AOPEP: variants seen among roughly 807,000 people sequenced by gnomAD.
AOPEP encodes aminopeptidase O.
AOPEP carries 77 observed loss-of-function variants against 98.1 expected under a neutral mutation model. The ratio of observed to expected loss-of-function variants is 0.78; its 90% CI spans 0.65 to 0.95. The LOEUF is 0.95. Ranked by LOEUF, AOPEP falls within the 40% of genes least tolerant of loss-of-function variation. The probability of loss-of-function intolerance (pLI) is 0.00; values close to 1 mark genes in which losing one functional copy is unlikely to be tolerated. For synonymous variants in AOPEP, 346 were observed against 365.3 expected (o/e 0.95, Z 0.60); for missense variants, 1,024 against 1,024.7 (o/e 1.00, Z 0.01).
At chr9:95,057,142 G>C (rs1319184237) in intron 13 of AOPEP, among the ~76,000 whole-genome samples, 1 of 152,228 alleles carries the variant, frequency 6.6e-6, no homozygotes, top group African/African-American at 2.4e-5. Flanking sequence ...TGAAGGAGCT[G>C]CTTTCTTAGG....
intron 5 of AOPEP, among the ~76,000 whole-genome samples, chr9:94,886,862 A>T (rs1401403180): frequency 6.6e-6 from 1 of 152,202 alleles, no homozygotes; most frequent in Non-Finnish European, 1.5e-5. Flanking sequence ...CTTAATATGA[A>T]TGTGTAATAT....
chr9:95,105,439 CAAATA>C, the AOPEP span, among the ~76,000 whole-genome samples: 6 of 152,176 alleles, frequency 3.9e-5, no homozygotes, highest in East Asian at 3.9e-4. Flanking sequence ...AACAAAAGTA[CAAATA>C]AAATAAAAAA....
intron 1 of AOPEP, among the ~76,000 whole-genome samples, chr9:94,758,085 G>C (rs1837463701): frequency 6.6e-6 from 1 of 152,308 alleles, no homozygotes; most frequent in Admixed American, 6.5e-5. Flanking sequence ...ATAGTTCAGT[G>C]GGGGAGGGAG....
intron 14 of AOPEP, among the ~76,000 whole-genome samples, chr9:95,077,067 G>A (rs2069150836): frequency 6.6e-6 from 1 of 152,158 alleles, no homozygotes; most frequent in Non-Finnish European, 1.5e-5. Context: ...AGAGGGGGAG[G>A]GGACACTATC....
chr9:94,923,774 G>A (rs1303214155), intron 5 of AOPEP, among the ~76,000 whole-genome samples: 1 of 152,116 alleles, frequency 6.6e-6, no homozygotes, highest in Non-Finnish European at 1.5e-5. Context: ...GGAGAAAACT[G>A]GTTGGCAGAA....
chr9:94,726,999 G>C (rs1388126470), intron 1 of AOPEP, among the ~76,000 whole-genome samples: 1 of 152,218 alleles, frequency 6.6e-6, no homozygotes, highest in Non-Finnish European at 1.5e-5. Flanking sequence ...ACGGGCTCTG[G>C]CTGTCTTCTC....
chr9:94,940,919 A>G (rs1215285793), intron 7 of AOPEP, among the ~76,000 whole-genome samples: 1 of 151,606 alleles, frequency 6.6e-6, no homozygotes, highest in Non-Finnish European at 1.5e-5. Context: ...ACATGGAAAC[A>G]CCTCCCTCCC....
rs80156535 is a variant in AOPEP at position 94,862,650 on chromosome 9, C to T, written c.1365-61336C>T. Among the ~76,000 whole-genome samples the T allele has an allele frequency of 8.4e-3, 1,277 of 152,328 alleles. 19 individuals are homozygous for T. The highest frequency in any genetic ancestry group is 0.029 in the African/African-American group (1,200 of 41,572). Reference sequence around the variant, plus strand: ...CTTAAGGGCCAGCGCCTCCCTGGAACCTTCTCCCAGAGTCTCCGTCCTCCC... The same window carrying T: ...CTTAAGGGCCAGCGCCTCCCTGGAATCTTCTCCCAGAGTCTCCGTCCTCCC... On this transcript the variant is annotated intron_variant, in intron 5 of 16. Coordinates refer to ENST00000375315, the MANE Select transcript of AOPEP (RefSeq NM_001193329.3).
chr9:94,856,641 TAAA>T (rs35234682), intron 5 of AOPEP, among the ~76,000 whole-genome samples: 1 of 128,600 alleles, frequency 7.8e-6, no homozygotes, highest in Non-Finnish European at 1.6e-5. Flanking sequence ...AACTCCGTCT[TAAA>T]AAAAAAAAAA....
At position 95,004,073 on chromosome 9, in the gene AOPEP, G is replaced by T. The variant is rs918774731; in HGVS notation, c.1978-1085G>T. ...CTAAACCTTTTGATCTTGAAAGAAG[G>T]ATGGAGTAGCAATAAAGAGAGGGCA... On this transcript the variant is annotated intron_variant, in intron 11 of 16. Transcript: ENST00000375315. The T allele has an allele frequency of 1.1e-3, 372 of 348,876 alleles. 4 individuals carry two copies. The highest frequency in any genetic ancestry group is 8.1e-4 in the Admixed American group (21 of 26,068). The allele number at this position is 348,876 out of a possible 1,614,324, so 21.6% of individuals were successfully genotyped here.
chr9:95,110,066 A>AAAT, the AOPEP span, among the ~76,000 whole-genome samples: 1 of 152,328 alleles, frequency 6.6e-6, no homozygotes, highest in East Asian at 1.9e-4. Flanking sequence ...GGGGGAAGGG[A>AAAT]AATGGATGCC....
At chr9:94,860,131 G>C (rs1417745162) in intron 5 of AOPEP, among the ~76,000 whole-genome samples, 1 of 152,210 alleles carries the variant, frequency 6.6e-6, no homozygotes, top group African/African-American at 2.4e-5. Flanking sequence ...TGATGTAGAA[G>C]CTGAAACCTG....
At chr9:94,880,645 C>T (rs916298365) in intron 5 of AOPEP, among the ~76,000 whole-genome samples, 1 of 152,170 alleles carries the variant, frequency 6.6e-6, no homozygotes, top group Admixed American at 6.5e-5. Context: ...CATGAGCCAT[C>T]GCACCTGGTC....
At chr9:94,860,986 C>A (rs2044883031) in intron 5 of AOPEP, among the ~76,000 whole-genome samples, 4 of 152,170 alleles carry the variant, frequency 2.6e-5, no homozygotes, top group Middle Eastern at 3.2e-3. Flanking sequence ...AAATTGGGGG[C>A]AGTCAGATTC....
At chr9:95,037,308 T>C (rs2064916269) in intron 13 of AOPEP, among the ~76,000 whole-genome samples, 1 of 152,228 alleles carries the variant, frequency 6.6e-6, no homozygotes, top group Non-Finnish European at 1.5e-5. Flanking sequence ...TCATTCTTTA[T>C]TTCAGCCAGA....
intron 14 of AOPEP, among the ~76,000 whole-genome samples, chr9:95,068,076 A>G (rs1370174945): frequency 1.3e-5 from 2 of 152,214 alleles, no homozygotes; most frequent in African/African-American, 4.8e-5. Flanking sequence ...TTGTTGATCC[A>G]CACATCAGCT....
chr9:95,041,271 C>T (rs1011649221), intron 13 of AOPEP, among the ~76,000 whole-genome samples: 3 of 151,816 alleles, frequency 2.0e-5, no homozygotes, highest in African/African-American at 7.3e-5. Flanking sequence ...GAGTGACTTG[C>T]GCTTTAATCA....
chr9:94,916,967 G>C (rs80240813), intron 5 of AOPEP, among the ~76,000 whole-genome samples: 2,397 of 152,276 alleles, frequency 0.016, 65 homozygotes, highest in African/African-American at 0.055. Context: ...TTGAAAAACT[G>C]AATAAAATAC....
chr9:94,733,705 C>T (rs946972290), intron 1 of AOPEP, among the ~76,000 whole-genome samples: 1 of 152,136 alleles, frequency 6.6e-6, no homozygotes, highest in Admixed American at 6.6e-5. Flanking sequence ...GTGTCAGTTG[C>T]CTGTTTAAAT....
Sources: allele counts gnomAD v4.1 joint callset (sites outside exome capture counted in the v4.1 genomes callset), GRCh38; gene constraint gnomAD v4.1.1; transcripts MANE v1.5; gene names NCBI Gene and HGNC (gene_info 2026-07-23, HGNC 2026-07-21).